The following KSR2 variants were observed in gnomAD, a reference collection of about 807,000 sequenced individuals.
KSR2 encodes kinase suppressor of ras 2.
A neutral mutation model predicts 107.8 loss-of-function variants in KSR2; 25 were observed. That is an observed-to-expected ratio of 0.23 (90% CI 0.17 to 0.32). The LOEUF (loss-of-function observed/expected upper bound fraction) is 0.32, where lower values mean the gene tolerates loss of function less well. Among genes scored for constraint, KSR2 ranks in the 10% least tolerant of loss-of-function variants. The probability of loss-of-function intolerance (pLI) is 1.00; values close to 1 mark genes in which losing one functional copy is unlikely to be tolerated. For missense variants in KSR2, 887 were observed against 1,268.9 expected, an observed-to-expected ratio of 0.70 and a Z score of 4.57; for synonymous variants, 480 against 507.0, an observed-to-expected ratio of 0.95 and a Z score of 0.71.
chr12:117,959,456 A>C (rs73406688), intron 1 of KSR2, among the ~76,000 whole-genome samples: 2,713 of 152,208 alleles, frequency 0.018, 89 homozygotes, highest in African/African-American at 0.062. Context: ...CACCTGCCCC[A>C]TCCACCCCAC....
intron 4 of KSR2, among the ~76,000 whole-genome samples, chr12:117,711,581 C>T (rs770253097): frequency 1.3e-5 from 2 of 152,176 alleles, no homozygotes; most frequent in Non-Finnish European, 2.9e-5. Flanking sequence ...ATTGACAGGC[C>T]TTGCTAATTA....
chr12:117,530,210 G>A (rs1460143044), intron 12 of KSR2, among the ~76,000 whole-genome samples: 1 of 152,190 alleles, frequency 6.6e-6, no homozygotes, highest in African/African-American at 2.4e-5. Flanking sequence ...GTGAGATCAT[G>A]AGTGATTATT....
chr12:117,941,771 A>G (rs111521981), intron 1 of KSR2, among the ~76,000 whole-genome samples: 1 of 145,448 alleles, frequency 6.9e-6, no homozygotes, highest in East Asian at 2.0e-4. Flanking sequence ...GGACTCGGGC[A>G]TGTGCCACCA....
In KSR2 at chr12:117,539,797, G is replaced by A; in HGVS notation, c.1609C>T (p.Pro537Ser). The A allele has an allele frequency of 6.2e-7, 1 of 1,608,086 alleles. No homozygotes were observed. The highest frequency in any genetic ancestry group is 8.5e-7 in the Non-Finnish European group (1 of 1,178,014). Reference sequence around the variant, plus strand: ...GGAGAAGGCGGCGTGGCACTAGGAGGGAGGGGGGGTGCTGGCGAGGAGGGC... The same window carrying A: ...GGAGAAGGCGGCGTGGCACTAGGAGAGAGGGGGGGTGCTGGCGAGGAGGGC... ...STPSSPAPPLPPSATPPSPLH... is the reference protein window; with the variant it reads ...STPSSPAPPLSPSATPPSPLH... The change falls in exon 10 of 20, where the codon CCT becomes TCT. Residue 537 changes from proline to serine, a missense_variant. Pro to Ser is a moderately conservative substitution (Grantham distance 74). Transcript: ENST00000339824.
At chr12:117,631,160 G>T (rs768113459) in intron 5 of KSR2, among the ~76,000 whole-genome samples, 7 of 152,260 alleles carry the variant, frequency 4.6e-5, no homozygotes, top group South Asian at 2.1e-4. Context: ...AATTAGCCAG[G>T]CATAGTGGCC....
intron 1 of KSR2, among the ~76,000 whole-genome samples, chr12:117,962,834 T>A (rs777276443): frequency 6.6e-6 from 1 of 151,858 alleles, no homozygotes. Flanking sequence ...ATTCATGACA[T>A]GCAAAAAGTA....
chr12:117,656,349 C>T (rs950020741), intron 5 of KSR2, among the ~76,000 whole-genome samples: 2 of 152,188 alleles, frequency 1.3e-5, no homozygotes, highest in African/African-American at 4.8e-5. Flanking sequence ...GTGGCTCACG[C>T]CTGTAATCTC....
chr12:117,581,901 A>G (rs201953035), intron 6 of KSR2, among the ~76,000 whole-genome samples: 1 of 34,146 alleles, frequency 2.9e-5, no homozygotes, highest in Non-Finnish European at 5.7e-5. Context: ...CAGGCCCTTT[A>G]CAAATATTAT....
In KSR2 at chr12:117,855,383, T is replaced by C. The variant is rs777946600; in HGVS notation, c.472+45A>G. On this transcript the variant is annotated intron_variant, in intron 3 of 19. Coordinates refer to ENST00000339824, the MANE Select transcript of KSR2 (RefSeq NM_173598.6). ...GGATGCCGAGGGACCGCGGCAGCTG[T>C]GCTGGGGACAAGTCTCCACATCCCC... is the stretch of plus-strand genomic sequence containing the variant. The C allele has an allele frequency of 2.5e-6, 4 of 1,612,044 alleles. No individual in the cohort carries two copies. In the African/African-American group the frequency reaches 5.3e-5, roughly 22 times the overall value.
chr12:117,579,338 T>G, intron 6 of KSR2, 136 bp from the exon 7 acceptor site: 1 of 696,142 alleles, frequency 1.4e-6, no homozygotes, highest in Non-Finnish European at 2.6e-6. Flanking sequence ...TGTGACTTAA[T>G]CAAGTTGCTT....
intron 1 of KSR2, among the ~76,000 whole-genome samples, chr12:117,873,348 GAA>G (rs199514257): frequency 3.6e-5 from 3 of 82,632 alleles, no homozygotes; most frequent in Non-Finnish European, 9.0e-5. Context: ...TGTCTCAAAA[GAA>G]AAAAAAAAAA....
chr12:117,574,550 T>C (rs1879144260), intron 7 of KSR2, among the ~76,000 whole-genome samples: 2 of 152,036 alleles, frequency 1.3e-5, no homozygotes, highest in Admixed American at 6.5e-5. Context: ...CCATCAGATC[T>C]CTTGAGACTT....
At chr12:117,819,078 C>T (rs745637582) in intron 3 of KSR2, among the ~76,000 whole-genome samples, 2 of 152,034 alleles carry the variant, frequency 1.3e-5, no homozygotes, top group Non-Finnish European at 2.9e-5. Flanking sequence ...ATGTCCATCC[C>T]CACCAAGAAA....
In KSR2 at chr12:117,882,837, T is replaced by G. The variant is rs367615029; in HGVS notation, c.181-22406A>C. ...TTCATCCATCCATCTATTCATTTAT[T>G]CATCCATCCATCCAACAATCCATCC... On this transcript the variant is annotated intron_variant, in intron 1 of 19. Coordinates refer to ENST00000339824, the MANE Select transcript of KSR2 (RefSeq NM_173598.6). Among the ~76,000 whole-genome samples the G allele has an allele frequency of 2.5e-4, 38 of 149,320 alleles. No homozygotes were observed. The East Asian group carries it at 3.6e-3, about 14-fold the overall frequency.
In KSR2 at chr12:117,813,982, T is replaced by C. The variant is rs545761615; in HGVS notation, c.472+41446A>G. Among the ~76,000 whole-genome samples the C allele has an allele frequency of 3.3e-5, 5 of 152,328 alleles. No individual in the cohort carries two copies. The South Asian group carries it at 8.3e-4, about 25-fold the overall frequency. ...AATCCTGCCATCTGTGGCAACATGG[T>C]ATAACTGGAGGACATTATATTAAGT... On this transcript the variant is annotated intron_variant, in intron 3 of 19. Coordinates refer to ENST00000339824, the MANE Select transcript of KSR2 (RefSeq NM_173598.6).
At chr12:117,628,795 C>T (rs531934599) in intron 5 of KSR2, among the ~76,000 whole-genome samples, 82 of 152,380 alleles carry the variant, frequency 5.4e-4, no homozygotes, top group Non-Finnish European at 8.2e-4. Context: ...TGTTCAGCTA[C>T]GCCCTGCCCA....
chr12:117,565,955 C>A (rs1814417191), intron 7 of KSR2, among the ~76,000 whole-genome samples: 1 of 152,074 alleles, frequency 6.6e-6, no homozygotes, highest in Admixed American at 6.5e-5. Context: ...CCAGTATTTT[C>A]TTTTGCTTTT....
At chr12:117,539,560 A>T (rs1031719218) in intron 10 of KSR2, 159 bp downstream of exon 10, 3 of 607,344 alleles carry the variant, frequency 4.9e-6, no homozygotes. Context: ...GGGTACGATA[A>T]GGGTCAGTCC....
At chr12:117,818,162 G>A (rs912375570) in intron 3 of KSR2, among the ~76,000 whole-genome samples, 1 of 152,008 alleles carries the variant, frequency 6.6e-6, no homozygotes, top group Non-Finnish European at 1.5e-5. Context: ...ATCAGAGGTA[G>A]AGAGTAGAAT....
Sources: gnomAD v4.1 joint callset for allele counts (sites outside exome capture counted in the v4.1 genomes callset) on GRCh38, gnomAD v4.1.1 for gene constraint, MANE v1.5 for transcripts, NCBI Gene and HGNC (gene_info 2026-07-23, HGNC 2026-07-21) for gene names.